CPA6: variants seen among roughly 807,000 people sequenced by gnomAD.
CPA6 encodes carboxypeptidase A6.
Under a neutral mutation model 63.3 loss-of-function variants are expected in CPA6, and 58 were observed. That is an observed-to-expected ratio of 0.92 (90% CI 0.74 to 1.14). The LOEUF (loss-of-function observed/expected upper bound fraction) is 1.14, where lower values mean the gene tolerates loss of function less well. CPA6 is among the 50% of genes most tolerant of loss of function. CPA6 has a pLI of 0.00. For synonymous variants in CPA6, 185 were observed against 179.0 expected (o/e 1.03, Z -0.27); for missense variants, 565 against 526.6 (o/e 1.07, Z -0.71).
At chr8:67,547,038 A>AT (rs903824434) in intron 2 of CPA6, among the ~76,000 whole-genome samples, 2 of 151,496 alleles carry the variant, frequency 1.3e-5, no homozygotes, top group Admixed American at 1.3e-4. Context: ...GGCCAAGTTT[A>AT]TTTTTTATTT....
chr8:67,611,871 A>C (rs1236281942), intron 2 of CPA6, among the ~76,000 whole-genome samples: 1 of 152,174 alleles, frequency 6.6e-6, no homozygotes, highest in Non-Finnish European at 1.5e-5. Context: ...GAAGGCCTAA[A>C]TCTCACCCTT....
intron 9 of CPA6, 89 bp downstream of exon 9, chr8:67,433,949 G>A (rs1810084950): frequency 2.4e-6 from 2 of 844,598 alleles, no homozygotes; most frequent in South Asian, 3.0e-5. Flanking sequence ...ACAAACATGT[G>A]TTTGCCATTA....
At chr8:67,632,408 A>G (rs1815362305) in intron 1 of CPA6, among the ~76,000 whole-genome samples, 1 of 152,068 alleles carries the variant, frequency 6.6e-6, no homozygotes, top group South Asian at 2.1e-4. Flanking sequence ...CCTGGACTCA[A>G]TTGATCCTCC....
chr8:67,549,972 T>C (rs1226807414), intron 2 of CPA6, among the ~76,000 whole-genome samples: 2 of 152,242 alleles, frequency 1.3e-5, no homozygotes, highest in Non-Finnish European at 2.9e-5. Context: ...CTCTTTGAGA[T>C]CCTGATTTCA....
chr8:67,621,093 T>A (rs1293336195), intron 2 of CPA6, among the ~76,000 whole-genome samples: 1 of 152,238 alleles, frequency 6.6e-6, no homozygotes, highest in Admixed American at 6.5e-5. Context: ...CTTTAATGAA[T>A]TTCCCTGGTA....
At chr8:67,692,826 T>G (rs1161729344) in intron 1 of CPA6, among the ~76,000 whole-genome samples, 1 of 152,182 alleles carries the variant, frequency 6.6e-6, no homozygotes, top group Non-Finnish European at 1.5e-5. Flanking sequence ...AGATAATGAG[T>G]GCAAATTAAT....
intron 2 of CPA6, among the ~76,000 whole-genome samples, chr8:67,527,529 A>G (rs1812390030): frequency 6.6e-6 from 1 of 152,218 alleles, no homozygotes; most frequent in Admixed American, 6.5e-5. Context: ...AAGGGGTTGA[A>G]CTGAACTACC....
At chr8:67,732,764 A>T (rs961345665) in intron 1 of CPA6, 2 of 152,166 alleles carry the variant, frequency 1.3e-5, no homozygotes, top group African/African-American at 4.8e-5. Flanking sequence ...TGATTTTGAG[A>T]GGTTTCACAG....
chr8:67,446,047 G>A (rs1008223112), intron 8 of CPA6, among the ~76,000 whole-genome samples: 2 of 152,080 alleles, frequency 1.3e-5, no homozygotes, highest in Non-Finnish European at 1.5e-5. Flanking sequence ...GGCGGATCAC[G>A]AGGTCAGGAG....
intron 1 of CPA6, among the ~76,000 whole-genome samples, chr8:67,724,247 A>C (rs2129002148): frequency 6.6e-6 from 1 of 151,884 alleles, no homozygotes; most frequent in East Asian, 1.9e-4. Flanking sequence ...TCTCACACTC[A>C]CCTCTTTTCT....
chr8:67,620,829 AG>A (rs2128986470), intron 2 of CPA6, among the ~76,000 whole-genome samples: 1 of 152,362 alleles, frequency 6.6e-6, no homozygotes, highest in South Asian at 2.1e-4. Flanking sequence ...AAAATTTAAC[AG>A]AGCAGGTCTG....
intron 1 of CPA6, among the ~76,000 whole-genome samples, chr8:67,671,406 G>C (rs1816340288): frequency 6.6e-6 from 1 of 152,162 alleles, no homozygotes; most frequent in African/African-American, 2.4e-5. Flanking sequence ...CCAAGCTCCT[G>C]TTCAGCAGGA....
At chr8:67,608,932 TGGA>T (rs1433695166) in intron 2 of CPA6, among the ~76,000 whole-genome samples, 2 of 152,218 alleles carry the variant, frequency 1.3e-5, no homozygotes, top group African/African-American at 2.4e-5. Context: ...AGCACCCATG[TGGA>T]GGAGAAGACA....
chr8:67,509,108 C>A (rs893398887), intron 5 of CPA6, among the ~76,000 whole-genome samples: 1 of 152,086 alleles, frequency 6.6e-6, no homozygotes, highest in Admixed American at 6.6e-5. Context: ...ATCACAAGAA[C>A]AGCAAGGGGG....
At chr8:67,628,432 A>T (rs1201059901) in intron 1 of CPA6, among the ~76,000 whole-genome samples, 5 of 152,142 alleles carry the variant, frequency 3.3e-5, no homozygotes, top group African/African-American at 4.8e-5. Flanking sequence ...GAAATCCTAA[A>T]CTTCTTTGTA....
At chr8:67,460,714 TAATAA>T (rs1810780448) in intron 8 of CPA6, among the ~76,000 whole-genome samples, 1 of 152,254 alleles carries the variant, frequency 6.6e-6, no homozygotes, top group Non-Finnish European at 1.5e-5. Flanking sequence ...TATTGCATTA[TAATAA>T]AATATATCAC....
intron 1 of CPA6, among the ~76,000 whole-genome samples, chr8:67,731,779 A>G (rs888918956): frequency 2.0e-5 from 3 of 152,222 alleles, no homozygotes; most frequent in Non-Finnish European, 4.4e-5. Context: ...ATAGAAAAAA[A>G]GTTAAAGGAA....
intron 1 of CPA6, among the ~76,000 whole-genome samples, chr8:67,650,086 T>C (rs1229195786): frequency 6.6e-6 from 1 of 152,170 alleles, no homozygotes; most frequent in Non-Finnish European, 1.5e-5. Flanking sequence ...ATATGGGGGC[T>C]GTATGTGGTT....
intron 8 of CPA6, among the ~76,000 whole-genome samples, chr8:67,466,742 T>G (rs1374090603): frequency 6.6e-6 from 1 of 152,212 alleles, no homozygotes; most frequent in African/African-American, 2.4e-5. Context: ...AACAAGTTGG[T>G]TAATTTCCAT....
Sources: gnomAD v4.1 joint callset for allele counts (sites outside exome capture counted in the v4.1 genomes callset) on GRCh38, gnomAD v4.1.1 for gene constraint, MANE v1.5 for transcripts, NCBI Gene and HGNC (gene_info 2026-07-23, HGNC 2026-07-21) for gene names.